Variants in LAMC3 observed in about 807,000 individuals in gnomAD.
LAMC3 encodes laminin subunit gamma 3, also known as laminin subunit gamma-3.
In LAMC3, 128 loss-of-function variants were observed where a neutral mutation model predicts 173.8. That is an observed-to-expected ratio of 0.74 (90% CI 0.64 to 0.85). The LOEUF (loss-of-function observed/expected upper bound fraction) is 0.85, where lower values mean the gene tolerates loss of function less well. Ranked by LOEUF, LAMC3 falls within the 40% of genes least tolerant of loss-of-function variation. LAMC3 has a pLI of 0.00. For missense variants in LAMC3, 2,022 were observed against 2,156.0 expected, an observed-to-expected ratio of 0.94 and a Z score of 1.23; for synonymous variants, 897 against 909.1, an observed-to-expected ratio of 0.99 and a Z score of 0.24.
At chr9:131,012,317 G>A (rs1026694799) in intron 1 of LAMC3, among the ~76,000 whole-genome samples, 3 of 152,180 alleles carry the variant, frequency 2.0e-5, no homozygotes, top group Non-Finnish European at 4.4e-5. Flanking sequence ...CTGGGCAAGC[G>A]GAGTCCCCTC....
At chr9:131,072,241 G>A (rs906636758) in intron 18 of LAMC3, among the ~76,000 whole-genome samples, 1 of 152,196 alleles carries the variant, frequency 6.6e-6, no homozygotes, top group African/African-American at 2.4e-5. Flanking sequence ...GCCAGACAGA[G>A]GCGAGCTGAG....
chr9:131,076,052 C>A, intron 21 of LAMC3, 87 bp downstream of exon 21: 1 of 1,342,634 alleles, frequency 7.4e-7, no homozygotes, highest in Non-Finnish European at 1.0e-6. Context: ...GGTTCCAGAG[C>A]CAGCTCCCTT....
intron 11 of LAMC3, among the ~76,000 whole-genome samples, 159 bp downstream of exon 11, chr9:131,053,124 C>T (rs1834332210): frequency 6.6e-6 from 1 of 152,256 alleles, no homozygotes; most frequent in Non-Finnish European, 1.5e-5. Context: ...GGACAGTTGC[C>T]AGAGGCCATA....
At chr9:131,058,777 C>G (rs1564379989) in intron 12 of LAMC3, among the ~76,000 whole-genome samples, 1 of 150,994 alleles carries the variant, frequency 6.6e-6, no homozygotes. Flanking sequence ...ACCTGTAATC[C>G]CAGCTGCTTG....
chr9:131,091,805 G>A lies in LAMC3; in HGVS notation c.*18G>A, dbSNP rs187922750. On this transcript the variant is annotated 3_prime_UTR_variant, in exon 28 of 28. Coordinates refer to ENST00000361069, the MANE Select transcript of LAMC3 (RefSeq NM_006059.4). Reference sequence around the variant, plus strand: ...GGCAGTGAGGGCTGCCCAGATCCCCGGCACACACTCCCCCACCTGCTGTTT... The same window carrying A: ...GGCAGTGAGGGCTGCCCAGATCCCCAGCACACACTCCCCCACCTGCTGTTT... 1.9e-4 allele frequency: 310 copies of A among 1,610,584 alleles called. No individual in the cohort carries two copies. The African/African-American group carries it at 3.4e-3, about 18-fold the overall frequency.
chr9:131,046,516 G>GTTTTTTTTTTTTT (rs1443313320), intron 8 of LAMC3, among the ~76,000 whole-genome samples: 1 of 38,756 alleles, frequency 2.6e-5, no homozygotes, highest in Non-Finnish European at 5.5e-5. Flanking sequence ...GCTAATTTTT[G>GTTTTTTTTTTTTT]TATTTTTTTT....
intron 1 of LAMC3, among the ~76,000 whole-genome samples, chr9:131,025,323 A>G (rs1833696364): frequency 6.6e-6 from 1 of 151,952 alleles, no homozygotes; most frequent in South Asian, 2.1e-4. Flanking sequence ...CCTTCCCTCT[A>G]CCACAGCCAT....
rs200737899 is a variant in LAMC3, at chr9:131,059,555, ACCACACG to A, written c.2159-1467_2159-1461del. On this transcript the variant is annotated intron_variant, in intron 12 of 27. Coordinates refer to ENST00000361069, the MANE Select transcript of LAMC3 (RefSeq NM_006059.4). Reference sequence around the variant, plus strand: ...GACCTAGCCGGGGAGGGCAAGCACAACCACACGCCACACGCCACATACAGGGCACTCT... The same window carrying A: ...GACCTAGCCGGGGAGGGCAAGCACAACCACACGCCACATACAGGGCACTCT... Among the ~76,000 whole-genome samples the A allele has an allele frequency of 3.9e-3, 307 of 79,392 alleles. 1 individual carries two copies. Among genetic ancestry groups the A allele is most frequent in the African/African-American group, 9.5e-3 (278 of 29,306 alleles). 52.1% of individuals were successfully genotyped at this position (79,392 alleles called of 152,430 possible).
At chr9:131,066,312 G>A (rs1403991264) in intron 13 of LAMC3, among the ~76,000 whole-genome samples, 1 of 151,694 alleles carries the variant, frequency 6.6e-6, no homozygotes, top group African/African-American at 2.4e-5. Context: ...CCAACATGGT[G>A]AAACCCCGTC....
At chr9:131,017,679 G>A (rs538497750) in intron 1 of LAMC3, among the ~76,000 whole-genome samples, 142 of 142,964 alleles carry the variant, frequency 9.9e-4, no homozygotes, top group African/African-American at 3.5e-3. Context: ...AGCCGAGATC[G>A]GGCCATTGCA....
intron 1 of LAMC3, among the ~76,000 whole-genome samples, chr9:131,022,248 A>G (rs999106289): frequency 6.6e-6 from 1 of 152,054 alleles, no homozygotes; most frequent in African/African-American, 2.4e-5. Flanking sequence ...ACACACATAT[A>G]TATGTATTTT....
At chr9:131,061,878 C>T (rs1829832954) in intron 13 of LAMC3, among the ~76,000 whole-genome samples, 1 of 51,020 alleles carries the variant, frequency 2.0e-5, no homozygotes, top group African/African-American at 1.4e-4. Context: ...AGTGAGACTC[C>T]CATCTCTAAA....
chr9:131,038,266 C>T (rs1833980866), intron 4 of LAMC3, among the ~76,000 whole-genome samples: 1 of 152,224 alleles, frequency 6.6e-6, no homozygotes. Context: ...CAGCCCTGCA[C>T]CTGCAGGGGG....
intron 22 of LAMC3, among the ~76,000 whole-genome samples, chr9:131,078,343 T>A (rs991262918): frequency 1.3e-5 from 2 of 151,940 alleles, no homozygotes; most frequent in African/African-American, 4.8e-5. Context: ...TACAAAAAAA[T>A]TAGCCAGGCA....
chr9:131,091,623 C>T lies in LAMC3; in HGVS notation c.4564C>T (p.Pro1522Ser). The T allele has an allele frequency of 6.3e-7, 1 of 1,597,742 alleles. No individual in the cohort carries two copies. The highest frequency in any genetic ancestry group is 2.3e-5 in the East Asian group (1 of 44,382). ...LERLRLQLGS[P>S]GSLQRKLSLL... ...ACGCCTGAGGCTGCAGCTGGGCTCCCCGGGGTCCTTGCAGAGGAAACTCAG... is the reference window on the plus strand; with the variant it reads ...ACGCCTGAGGCTGCAGCTGGGCTCCTCGGGGTCCTTGCAGAGGAAACTCAG... The change falls in exon 28 of 28, where the codon CCG becomes TCG. Residue 1522 changes from proline to serine, a missense_variant. By Grantham distance (74) the Pro-to-Ser change is moderately conservative. Coordinates refer to ENST00000361069, the MANE Select transcript of LAMC3 (RefSeq NM_006059.4).
intron 23 of LAMC3, among the ~76,000 whole-genome samples, chr9:131,079,651 G>A (rs1207420138): frequency 1.3e-5 from 2 of 152,084 alleles, no homozygotes; most frequent in South Asian, 2.1e-4. Context: ...CTGAGATCGC[G>A]CCACTGCACT....
At chr9:131,046,516 G>GTTTTTTT (rs1443313320) in intron 8 of LAMC3, among the ~76,000 whole-genome samples, 2 of 38,756 alleles carry the variant, frequency 5.2e-5, no homozygotes, top group Non-Finnish European at 5.5e-5. Context: ...GCTAATTTTT[G>GTTTTTTT]TATTTTTTTT....
rs113241114 is a variant in LAMC3, at chr9:131,050,251, C to T, written c.1630+1121C>T. 3.8e-3 allele frequency among the ~76,000 whole-genome samples: 575 copies of T among 152,358 alleles called. 3 individuals are homozygous for T. The highest frequency in any genetic ancestry group is 6.5e-3 in the Non-Finnish European group (441 of 68,038). Reference sequence around the variant, plus strand: ...GCCTGTCCTCATGGTGCTCTCAGGCCGGCCCGCTCCCGGGGCACCCTGAGC... The same window carrying T: ...GCCTGTCCTCATGGTGCTCTCAGGCTGGCCCGCTCCCGGGGCACCCTGAGC... On this transcript the variant is annotated intron_variant, in intron 9 of 27. Transcript: ENST00000361069.
At chr9:131,078,898 G>A (rs1830180852) in intron 22 of LAMC3, among the ~76,000 whole-genome samples, 1 of 152,208 alleles carries the variant, frequency 6.6e-6, no homozygotes. Flanking sequence ...CCCCAGCCTG[G>A]CTCCTCTCGC....
Sources: gnomAD v4.1 joint callset for allele counts (sites outside exome capture counted in the v4.1 genomes callset) on GRCh38, gnomAD v4.1.1 for gene constraint, MANE v1.5 for transcripts, NCBI Gene and HGNC (gene_info 2026-07-23, HGNC 2026-07-21) for gene names.